RANBP2: variants seen among roughly 807,000 people sequenced by gnomAD.
The protein encoded by RANBP2 is RAN binding protein 2.
Under a neutral mutation model 303.6 loss-of-function variants are expected in RANBP2, and 57 were observed. The observed-to-expected ratio is 0.19, with a 90% CI of 0.15 to 0.23. The LOEUF (loss-of-function observed/expected upper bound fraction) is 0.23, where lower values mean the gene tolerates loss of function less well. RANBP2 is among the 10% of genes least tolerant of loss of function. The pLI is 1.00. For missense variants in RANBP2, 3,138 were observed against 3,780.8 expected (o/e 0.83, Z 4.46); for synonymous variants, 1,167 against 1,301.5 (o/e 0.90, Z 2.23).
At chr2:108,968,389 C>G in the RANBP2 span, among the ~76,000 whole-genome samples, 13 of 152,238 alleles carry the variant, frequency 8.5e-5, no homozygotes, top group African/African-American at 2.9e-4. Flanking sequence ...TACATGCATC[C>G]TTTTGACTGT....
the RANBP2 span, among the ~76,000 whole-genome samples, chr2:109,061,120 G>A: frequency 2.0e-5 from 3 of 152,014 alleles, no homozygotes; most frequent in Non-Finnish European, 2.9e-5. Flanking sequence ...TCTATAGGAT[G>A]TAAAGTTTGT....
chr2:109,564,591 C>T, the RANBP2 span: 1 of 1,386,628 alleles, frequency 7.2e-7, no homozygotes, highest in Non-Finnish European at 9.6e-7. Context: ...TGGCACACAA[C>T]TAAGTGTTTG....
the RANBP2 span, chr2:109,449,312 G>C: frequency 1.2e-6 from 2 of 1,606,534 alleles, no homozygotes; most frequent in African/African-American, 2.7e-5. Flanking sequence ...ACCAGCCCCC[G>C]GTGCAGATGT....
the RANBP2 span, chr2:109,432,756 C>T: frequency 6.7e-7 from 1 of 1,487,870 alleles, no homozygotes; most frequent in South Asian, 1.4e-5. Flanking sequence ...GGAGGCTACT[C>T]TGTCAGCCGG....
At chr2:109,364,273 G>C in the RANBP2 span, among the ~76,000 whole-genome samples, 1 of 151,634 alleles carries the variant, frequency 6.6e-6, no homozygotes, top group African/African-American at 2.4e-5. Context: ...CTCCTAATAA[G>C]CACGTCGAAG....
At chr2:109,257,307 TAAGGAAGAGGG>T in the RANBP2 span, among the ~76,000 whole-genome samples, 1 of 147,174 alleles carries the variant, frequency 6.8e-6, no homozygotes, top group Non-Finnish European at 1.5e-5. Flanking sequence ...GATGTGGGCT[TAAGGAAGAGGG>T]AAGGAGGAAT....
chr2:109,656,935 C>T, the RANBP2 span, among the ~76,000 whole-genome samples: 1 of 151,982 alleles, frequency 6.6e-6, no homozygotes. Context: ...AATCAACAGC[C>T]CCCAATGGAG....
chr2:109,368,708 TAAA>T, the RANBP2 span, among the ~76,000 whole-genome samples: 35 of 136,806 alleles, frequency 2.6e-4, no homozygotes, highest in South Asian at 8.2e-3. Flanking sequence ...GTATTTTCTT[TAAA>T]AAAAAAAAAA....
intron 7 of RANBP2, among the ~76,000 whole-genome samples, chr2:108,741,412 G>T (rs1696076624): frequency 6.6e-6 from 1 of 150,720 alleles, no homozygotes. Context: ...TGGCCAGGAT[G>T]GTCGCCATCT....
At chr2:109,602,647 C>A in the RANBP2 span, among the ~76,000 whole-genome samples, 3,302 of 149,746 alleles carry the variant, frequency 0.022, 47 homozygotes, top group Non-Finnish European at 0.034. Flanking sequence ...TGCACTCCAG[C>A]CTGGGCAACA....
the RANBP2 span, among the ~76,000 whole-genome samples, chr2:108,964,485 T>A: frequency 6.6e-6 from 1 of 152,076 alleles, no homozygotes; most frequent in Admixed American, 6.5e-5. Flanking sequence ...AAGTCCCTAC[T>A]CTAAGAGGAA....
the RANBP2 span, among the ~76,000 whole-genome samples, chr2:109,121,322 A>G: frequency 3.9e-5 from 6 of 152,290 alleles, no homozygotes; most frequent in East Asian, 1.2e-3. Flanking sequence ...CTAACCAGGG[A>G]CCTGGGTATC....
the RANBP2 span, among the ~76,000 whole-genome samples, chr2:109,108,189 G>A: frequency 2.0e-5 from 3 of 152,214 alleles, no homozygotes; most frequent in African/African-American, 7.2e-5. Flanking sequence ...ACAGGCATGA[G>A]CCAGGACGCC....
At chr2:109,613,973 G>T in the RANBP2 span, 2 of 1,202,030 alleles carry the variant, frequency 1.7e-6, no homozygotes, top group Non-Finnish European at 2.1e-6. Flanking sequence ...AGGGACAGGG[G>T]CGGGGCCGAG....
At chr2:108,812,692 G>A in the RANBP2 span, 24 of 1,609,642 alleles carry the variant, frequency 1.5e-5, no homozygotes, top group South Asian at 9.9e-5. Context: ...GTTCAAGCTC[G>A]TTTAGATAAT....
chr2:109,362,054 ATTG>A, the RANBP2 span, among the ~76,000 whole-genome samples: 2 of 151,424 alleles, frequency 1.3e-5, no homozygotes, highest in South Asian at 2.1e-4. Context: ...ATTTTTCTCT[ATTG>A]TTTTCAATTT....
the RANBP2 span, among the ~76,000 whole-genome samples, chr2:109,609,790 C>A: frequency 2.4e-4 from 36 of 151,968 alleles, no homozygotes; most frequent in Admixed American, 9.8e-4. Flanking sequence ...ATGACAAATG[C>A]GGACAGGAAT....
the RANBP2 span, chr2:109,615,095 C>T: frequency 1.9e-6 from 3 of 1,549,732 alleles, no homozygotes; most frequent in Non-Finnish European, 2.6e-6. Context: ...GGCCGGCCCG[C>T]CAGAACCTCC....
the RANBP2 span, among the ~76,000 whole-genome samples, chr2:109,161,939 G>A: frequency 4.6e-4 from 70 of 152,130 alleles, no homozygotes; most frequent in South Asian, 8.3e-4. Flanking sequence ...TCCTGGGGAG[G>A]GGAGGGTTGG....
Sources: gnomAD v4.1 joint callset for allele counts (sites outside exome capture counted in the v4.1 genomes callset) on GRCh38, gnomAD v4.1.1 for gene constraint, MANE v1.5 for transcripts, NCBI Gene and HGNC (gene_info 2026-07-23, HGNC 2026-07-21) for gene names.